Variants in CLN8 observed in about 807,000 individuals in gnomAD.
The protein encoded by CLN8 is protein CLN8.
In CLN8, 14 loss-of-function variants were observed where a neutral mutation model predicts 15.7. That is an observed-to-expected ratio of 0.89 (90% confidence interval 0.59 to 1.39). CLN8 has a LOEUF of 1.39. Ranked by LOEUF, CLN8 falls within the 40% of genes most tolerant of loss-of-function variation. The probability of loss-of-function intolerance (pLI) is 0.00; values close to 1 mark genes in which losing one functional copy is unlikely to be tolerated. For synonymous variants in CLN8, 188 were observed against 151.0 expected, an observed-to-expected ratio of 1.25 and a Z score of -1.80; for missense variants, 415 against 364.0, an observed-to-expected ratio of 1.14 and a Z score of -1.14.
At chr8:1,766,273 A>T (rs923876556) in intron 1 of CLN8, among the ~76,000 whole-genome samples, 1 of 152,086 alleles carries the variant, frequency 6.6e-6, no homozygotes, top group Admixed American at 6.5e-5. Context: ...GGAGTTGTTT[A>T]TTCTCCGGCT....
At chr8:1,776,994 A>G (rs1030331951) in intron 2 of CLN8, among the ~76,000 whole-genome samples, 4 of 152,186 alleles carry the variant, frequency 2.6e-5, no homozygotes, top group African/African-American at 9.7e-5. Flanking sequence ...CGTTCCATGT[A>G]CAGTCATACG....
At position 1,781,393 on chromosome 8, in the gene CLN8, A is replaced by C. The variant is rs1383367007; in HGVS notation, c.*826A>C. ...AAAAAAAAAAAAAAAAAAATTCTAG[A>C]CCGAAGTGTACGGCAGTGCCATCTG... On this transcript the variant is annotated 3_prime_UTR_variant, in exon 3 of 3. Transcript: ENST00000331222. 8.2e-6 allele frequency: 1 copy of C among 122,288 alleles called. No individual in the cohort carries two copies. The highest frequency in any genetic ancestry group is 2.7e-4 in the South Asian group (1 of 3,770). The allele number at this position is 122,288 out of a possible 1,614,324, so 7.6% of individuals were successfully genotyped here. A position where few individuals can be genotyped will look rare whatever the true frequency, so the allele number is the denominator to read the frequency against.
At chr8:1,757,292 A>G (rs1488367023) in intron 1 of CLN8, among the ~76,000 whole-genome samples, 1 of 152,174 alleles carries the variant, frequency 6.6e-6, no homozygotes, top group Non-Finnish European at 1.5e-5. Flanking sequence ...CCTGCTTCTC[A>G]ACCAAGGTCA....
chr8:1,755,546 A>T (rs1477667058), upstream of CLN8, among the ~76,000 whole-genome samples: 1 of 152,124 alleles, frequency 6.6e-6, no homozygotes, highest in African/African-American at 2.4e-5. Flanking sequence ...TGTTCTCTGA[A>T]CACCGTGTCG....
At chr8:1,761,043 G>C (rs1403412676), upstream of CLN8, among the ~76,000 whole-genome samples, 1 of 127,624 alleles carries the variant, frequency 7.8e-6, no homozygotes, top group Non-Finnish European at 1.6e-5. Flanking sequence ...TTTTTGAGAT[G>C]GAGTCTTGCT....
upstream of CLN8, chr8:1,762,551 A>C (rs911832858): frequency 2.0e-5 from 3 of 152,358 alleles, no homozygotes; most frequent in African/African-American, 7.2e-5. Context: ...TAGGGACTCA[A>C]GGCTTCAACA....
chr8:1,755,034 G>C (rs753352275), upstream of CLN8, among the ~76,000 whole-genome samples: 1 of 152,188 alleles, frequency 6.6e-6, no homozygotes, highest in Non-Finnish European at 1.5e-5. Flanking sequence ...AATGAGATCT[G>C]CTGGGGCTGC....
rs1281090225 is a variant in CLN8 at position 1,772,695 on chromosome 8, GT to G, written c.543+1099del. 7.9e-5 allele frequency among the ~76,000 whole-genome samples: 12 copies of G among 152,072 alleles called. No individual in the cohort carries two copies. In the East Asian group the frequency reaches 1.9e-3, roughly 25 times the overall value. ...GAGTTTCACTGTGTTGGCCAGGCTGGTCTTGAACTCCTGACCTCAGGTGATC... is the reference window on the plus strand; with the variant it reads ...GAGTTTCACTGTGTTGGCCAGGCTGGCTTGAACTCCTGACCTCAGGTGATC... On this transcript the variant is annotated intron_variant, in intron 2 of 2. Transcript: ENST00000331222.
chr8:1,772,130 G>A (rs1414957244), intron 2 of CLN8, among the ~76,000 whole-genome samples: 1 of 151,994 alleles, frequency 6.6e-6, no homozygotes, highest in East Asian at 1.9e-4. Flanking sequence ...TAGAGATGGG[G>A]TTTCACTATG....
At position 1,780,268 on chromosome 8, in the gene CLN8, C is replaced by T. The variant is rs587780318; in HGVS notation, c.562C>T (p.Leu188=). The stretch of plus-strand genomic sequence containing the variant: ...CATGCAGGCGGGCTGGTCCGAGTCT[C>T]TGTTTTGGAAGCTCAACCAGTGGCT... ...MLLKAGWSES[L]FWKLNQWLMI... is the part of the protein sequence containing the mutation. The change falls in exon 3 of 3, where the codon CTG becomes TTG. Residue 188 remains leucine, a synonymous_variant. Transcript: ENST00000331222. The T allele has an allele frequency of 9.3e-6, 15 of 1,614,156 alleles. No homozygotes were observed. Among genetic ancestry groups the T allele is most frequent in the East Asian group, 2.2e-5 (1 of 44,904 alleles).
chr8:1,763,124 C>G (rs1293273416), upstream of CLN8: 1 of 152,180 alleles, frequency 6.6e-6, no homozygotes, highest in African/African-American at 2.4e-5. Flanking sequence ...GGCTTGGGCC[C>G]TGTGTCCTCA....
chr8:1,776,691 C>G (rs1196415868), intron 2 of CLN8, among the ~76,000 whole-genome samples: 1 of 152,230 alleles, frequency 6.6e-6, no homozygotes, highest in Non-Finnish European at 1.5e-5. Context: ...AGTTTGATAA[C>G]TAGCAAAGGA....
chr8:1,770,424 T>C (rs1563106596), intron 1 of CLN8, among the ~76,000 whole-genome samples: 1 of 151,830 alleles, frequency 6.6e-6, no homozygotes, highest in Non-Finnish European at 1.5e-5. Flanking sequence ...CAGTGAGGAG[T>C]TCAGGCCTTC....
intron 2 of CLN8, among the ~76,000 whole-genome samples, chr8:1,777,092 C>G (rs1239452539): frequency 1.3e-5 from 2 of 152,160 alleles, no homozygotes; most frequent in African/African-American, 4.8e-5. Context: ...TTCTACATGT[C>G]TAAGCCAACT....
chr8:1,753,569 C>CAAAAA (rs71190758), upstream of CLN8, among the ~76,000 whole-genome samples: 8 of 102,582 alleles, frequency 7.8e-5, no homozygotes, highest in South Asian at 3.5e-4. Flanking sequence ...GAAACTGTTT[C>CAAAAA]AAAAAAAAAA....
chr8:1,772,770 G>A (rs768136458), intron 2 of CLN8, among the ~76,000 whole-genome samples: 26 of 152,134 alleles, frequency 1.7e-4, no homozygotes, highest in East Asian at 3.9e-4. Context: ...ATGAGCCACC[G>A]TGCACAGCCT....
At chr8:1,777,404 T>G (rs1198142606) in intron 2 of CLN8, among the ~76,000 whole-genome samples, 2 of 152,176 alleles carry the variant, frequency 1.3e-5, no homozygotes, top group Non-Finnish European at 2.9e-5. Flanking sequence ...CTTTATGAAC[T>G]CTGTGTACTT....
At position 1,771,189 on chromosome 8, in the gene CLN8, G is replaced by A. The variant is rs766132197; in HGVS notation, c.135G>A (p.Leu45=). 2.5e-6 allele frequency: 4 copies of A among 1,614,088 alleles called. No individual in the cohort carries two copies. The East Asian group carries it at 6.7e-5, about 27-fold the overall frequency. Reference sequence around the variant, plus strand: ...GCGTCTTTGTGGTCTGCCACCAGCTGTCCTCTTCCCTGAATGCCACTTACC... The same window carrying A: ...GCGTCTTTGTGGTCTGCCACCAGCTATCCTCTTCCCTGAATGCCACTTACC... ...YLGVFVVCHQ[L]SSSLNATYRS... The change falls in exon 2 of 3, where the codon CTG becomes CTA. Residue 45 remains leucine, a synonymous_variant. Transcript: ENST00000331222.
At chr8:1,762,200 T>G (rs1423523448), upstream of CLN8, 1 of 152,238 alleles carries the variant, frequency 6.6e-6, no homozygotes, top group East Asian at 1.9e-4. Context: ...ATTTTTATTT[T>G]TTTGAGACAG....
Sources: gnomAD v4.1 joint callset for allele counts (sites outside exome capture counted in the v4.1 genomes callset) on GRCh38, gnomAD v4.1.1 for gene constraint, MANE v1.5 for transcripts, NCBI Gene and HGNC (gene_info 2026-07-23, HGNC 2026-07-21) for gene names.